CTNND1: variants seen among roughly 807,000 people sequenced by gnomAD.
The protein encoded by CTNND1 is catenin delta 1, also known as catenin delta-1.
In CTNND1, 16 loss-of-function variants were observed where a neutral mutation model predicts 112.1. The ratio of observed to expected loss-of-function variants is 0.14; its 90% CI spans 0.10 to 0.22. The LOEUF is 0.22. Among genes scored for constraint, CTNND1 ranks in the 10% least tolerant of loss-of-function variants. The probability of loss-of-function intolerance (pLI) is 1.00; values close to 1 mark genes in which losing one functional copy is unlikely to be tolerated. For synonymous variants in CTNND1, 420 were observed against 446.5 expected (o/e 0.94, Z 0.75); for missense variants, 1,008 against 1,257.0 (o/e 0.80, Z 3.00).
At chr11:57,787,166 A>G (rs1270474879) in intron 1 of CTNND1, among the ~76,000 whole-genome samples, 2 of 152,216 alleles carry the variant, frequency 1.3e-5, no homozygotes, top group African/African-American at 4.8e-5. Flanking sequence ...TCTCCAAGGT[A>G]ATAAATTGTT....
At chr11:57,795,438 C>A in intron 4 of CTNND1, 139 bp from the exon 5 acceptor site, 1 of 799,422 alleles carries the variant, frequency 1.3e-6, no homozygotes, top group Non-Finnish European at 1.9e-6. Context: ...TGACAGCCAC[C>A]CATCTAAAAA....
intron 17 of CTNND1, among the ~76,000 whole-genome samples, chr11:57,812,751 A>G (rs1308470437): frequency 6.6e-6 from 1 of 152,074 alleles, no homozygotes; most frequent in Non-Finnish European, 1.5e-5. Flanking sequence ...CCTGGGGTCA[A>G]GCGATCCTCC....
At chr11:57,792,572 T>G (rs2060879272) in intron 3 of CTNND1, among the ~76,000 whole-genome samples, 1 of 152,198 alleles carries the variant, frequency 6.6e-6, no homozygotes, top group African/African-American at 2.4e-5. Context: ...ATTTATTTAT[T>G]TAAATAGGAG....
intron 3 of CTNND1, 53 bp from the exon 4 acceptor site, chr11:57,793,957 T>C: frequency 6.4e-7 from 1 of 1,571,696 alleles, no homozygotes; most frequent in South Asian, 1.1e-5. Context: ...TTGTATTTGA[T>C]AGAGCAAAAG....
intron 14 of CTNND1, 63 bp from the exon 15 acceptor site, chr11:57,809,211 T>A: frequency 8.4e-7 from 1 of 1,195,580 alleles, no homozygotes; most frequent in Non-Finnish European, 1.2e-6. Flanking sequence ...CAGTTAAGTA[T>A]AATGTAAGGC....
intron 1 of CTNND1, among the ~76,000 whole-genome samples, chr11:57,772,013 C>T (rs1038043564): frequency 6.6e-6 from 1 of 151,818 alleles, no homozygotes; most frequent in African/African-American, 2.4e-5. Context: ...CCTCCGCCTC[C>T]CACGCTCAAG....
intron 17 of CTNND1, among the ~76,000 whole-genome samples, chr11:57,812,309 CA>C (rs1361610436): frequency 6.6e-6 from 1 of 152,116 alleles, no homozygotes; most frequent in Non-Finnish European, 1.5e-5. Context: ...CACCTGAGGT[CA>C]GGAGTTCAAG....
chr11:57,792,764 C>T (rs918110603), intron 3 of CTNND1, among the ~76,000 whole-genome samples: 2 of 151,508 alleles, frequency 1.3e-5, no homozygotes, highest in Admixed American at 6.6e-5. Flanking sequence ...CTCTTGACCT[C>T]GTGATCCACC....
At position 57,803,674 on chromosome 11, in the gene CTNND1, C is replaced by A; in HGVS notation, c.1474C>A (p.His492Asn). 6.2e-7 allele frequency: 1 copy of A among 1,613,470 alleles called. No homozygotes were observed. The highest frequency in any genetic ancestry group is 8.5e-7 in the Non-Finnish European group (1 of 1,179,696). The change falls in exon 8 of 21, where the codon CAT (histidine) becomes AAT (asparagine). Residue 492 changes from histidine (H) to asparagine (N), a missense_variant. His to Asn is a moderately conservative substitution (Grantham distance 68). Coordinates refer to ENST00000399050, the MANE Select transcript of CTNND1 (RefSeq NM_001085458.2). ...HDSIKMEIVD[H>N]ALHALTDEVI... is the part of the protein sequence containing the mutation. ...CTCAATCAAAATGGAGATTGTGGAC[C>A]ATGCACTGCATGCCTTGACAGATGA...
At chr11:57,806,740 A>T in intron 11 of CTNND1, 175 bp from the exon 12 acceptor site, 2 of 642,454 alleles carry the variant, frequency 3.1e-6, no homozygotes, top group Non-Finnish European at 5.5e-6. Context: ...CCTGTTTTCT[A>T]TCCTTGTTTC....
At chr11:57,810,628 T>C (rs1282520708) in intron 16 of CTNND1, among the ~76,000 whole-genome samples, 3 of 151,870 alleles carry the variant, frequency 2.0e-5, no homozygotes, top group African/African-American at 7.2e-5. Flanking sequence ...CCTGGCCTCA[T>C]GTTAAATCTA....
intron 1 of CTNND1, among the ~76,000 whole-genome samples, chr11:57,770,533 G>A (rs912921793): frequency 2.6e-5 from 4 of 151,550 alleles, no homozygotes; most frequent in African/African-American, 9.7e-5. Flanking sequence ...CATGCCTGTA[G>A]TCCCAGCTCC....
chr11:57,764,278 C>T (rs1422121714), intron 1 of CTNND1: 1 of 151,986 alleles, frequency 6.6e-6, no homozygotes, highest in Admixed American at 6.6e-5. Context: ...AGTTCTAGTA[C>T]CTTTCTCAGG....
chr11:57,815,868 T>C (rs1461396068), intron 19 of CTNND1, 47 bp from the exon 20 acceptor site: 1 of 1,510,562 alleles, frequency 6.6e-7, no homozygotes. Flanking sequence ...CACACACTCA[T>C]GAGGTTCCTG....
In CTNND1 at chr11:57,789,399, C is replaced by T. The variant is rs554075974; in HGVS notation, c.-95+244C>T. ...AGAGAAAAAAACCCATTGAGTCCAA[C>T]AGAGTATCACTAATGCCTGTAAAAC... On this transcript the variant is annotated intron_variant, in intron 2 of 20. Transcript: ENST00000399050. Among the ~76,000 whole-genome samples, 35 of 152,272 alleles carry T rather than the reference C, an allele frequency of 2.3e-4. No homozygotes were observed. The South Asian group carries it at 6.8e-3, about 30-fold the overall frequency.
intron 5 of CTNND1, 91 bp downstream of exon 5, chr11:57,795,820 A>G: frequency 7.8e-7 from 1 of 1,276,420 alleles, no homozygotes; most frequent in South Asian, 1.6e-5. Context: ...AAGATGGAGG[A>G]CTGATATGCC....
At chr11:57,771,448 CAT>C (rs1402078925) in intron 1 of CTNND1, among the ~76,000 whole-genome samples, 2 of 148,260 alleles carry the variant, frequency 1.3e-5, no homozygotes, top group African/African-American at 2.4e-5. Flanking sequence ...GGGAGGGTCT[CAT>C]GTGTAAGGTA....
In CTNND1 at chr11:57,816,342, T is replaced by C; in HGVS notation, c.*34T>C. On this transcript the variant is annotated 3_prime_UTR_variant, in exon 21 of 21. Coordinates refer to ENST00000399050, the MANE Select transcript of CTNND1 (RefSeq NM_001085458.2). The stretch of plus-strand genomic sequence containing the variant: ...TCTCCGTTCCATCTGGGCTTATATG[T>C]ACTTTTATTTTTTGGTGGTGAAATT... The C allele has an allele frequency of 1.2e-6, 2 of 1,612,404 alleles. No individual in the cohort carries two copies. The highest frequency in any genetic ancestry group is 2.2e-5 in the South Asian group (2 of 91,018).
In CTNND1 at chr11:57,803,771, A is replaced by T. The variant is rs776235902; in HGVS notation, c.1571A>T (p.Glu524Val). 11 of 1,612,012 alleles carry T rather than the reference A, an allele frequency of 6.8e-6. No individual in the cohort carries two copies. Among genetic ancestry groups the T allele is most frequent in the Non-Finnish European group, 7.6e-6 (9 of 1,178,934 alleles). ...EDCKPRHIEW[E>V]SVLTNTAGCL... The stretch of plus-strand genomic sequence containing the variant: ...TGTAAGCCACGCCACATTGAGTGGG[A>T]ATCGGTGCTCACCAACACAGCTGGC... Residue 524 changes from glutamate (E) to valine (V), a missense_variant, in exon 8 of 21, where the codon GAA becomes GTA. Transcript: ENST00000399050.
Sources: allele counts gnomAD v4.1 joint callset (sites outside exome capture counted in the v4.1 genomes callset), GRCh38; gene constraint gnomAD v4.1.1; transcripts MANE v1.5; gene names NCBI Gene and HGNC (gene_info 2026-07-23, HGNC 2026-07-21).